Variants in FGD4 observed in about 807,000 individuals in gnomAD.
FGD4 encodes the protein FYVE, RhoGEF and PH domain containing 4.
A neutral mutation model predicts 102.0 loss-of-function variants in FGD4; 42 were observed. That is an observed-to-expected ratio of 0.41 (90% CI 0.32 to 0.53). FGD4 has a LOEUF of 0.53. Ranked by LOEUF, FGD4 falls within the 20% of genes least tolerant of loss-of-function variation. The pLI, the probability that FGD4 is intolerant of heterozygous loss-of-function variation, is 0.21. For missense variants in FGD4, 902 were observed against 1,078.2 expected (o/e 0.84, Z 2.29); for synonymous variants, 380 against 375.7 (o/e 1.01, Z -0.13).
intron 1 of FGD4, among the ~76,000 whole-genome samples, chr12:32,473,062 T>C (rs1259402077): frequency 1.3e-5 from 2 of 151,676 alleles, no homozygotes; most frequent in Non-Finnish European, 2.9e-5. Flanking sequence ...AGAACCTGTG[T>C]GTCCAAACTC....
intron 1 of FGD4, among the ~76,000 whole-genome samples, chr12:32,405,479 G>A (rs1445064733): frequency 4.0e-5 from 6 of 148,434 alleles, no homozygotes; most frequent in South Asian, 2.2e-4. Context: ...GGCTGGTCTC[G>A]AACTCCCGAC....
chr12:32,530,222 C>T (rs532551040), intron 1 of FGD4, among the ~76,000 whole-genome samples: 1 of 152,106 alleles, frequency 6.6e-6, no homozygotes, highest in East Asian at 1.9e-4. Context: ...GTGGCTCATG[C>T]CTGTAATCAC....
intron 15 of FGD4, among the ~76,000 whole-genome samples, chr12:32,635,094 T>A (rs1950726176): frequency 6.6e-6 from 1 of 152,184 alleles, no homozygotes; most frequent in Non-Finnish European, 1.5e-5. Context: ...GTCACTTCTG[T>A]TCATTGATAA....
chr12:32,579,657 G>A (rs1946435366), intron 3 of FGD4: 1 of 152,202 alleles, frequency 6.6e-6, no homozygotes, highest in East Asian at 1.9e-4. Context: ...AGGAGAAGGA[G>A]GACAGTTTGA....
Position 32,422,499 on chromosome 12 carries a change from C to T in FGD4, c.166+22540C>T, listed in dbSNP as rs540863561. Among the ~76,000 whole-genome samples the T allele has an allele frequency of 9.2e-5, 14 of 151,442 alleles. No individual in the cohort carries two copies. In the East Asian group the frequency reaches 2.8e-3, roughly 30 times the overall value. On this transcript the variant is annotated intron_variant, in intron 1 of 16. Transcript: ENST00000534526. ...ATTTTTAGTAGAGATGGGGTTTCAC[C>T]ATGTTAGCCAGGATGGTCTCGATCT...
intron 1 of FGD4, among the ~76,000 whole-genome samples, chr12:32,412,639 T>TG (rs1249921112): frequency 6.6e-6 from 1 of 152,158 alleles, no homozygotes; most frequent in African/African-American, 2.4e-5. Flanking sequence ...AGATGGAGTC[T>TG]CGCGCCATCG....
At position 32,645,382 on chromosome 12, in the gene FGD4, C is replaced by T. The variant is rs868249188; in HGVS notation, c.*4849C>T. 1.3e-5 allele frequency: 2 copies of T among 152,154 alleles called. No homozygotes were observed. The highest frequency in any genetic ancestry group is 2.9e-5 in the Non-Finnish European group (2 of 68,050). 9.4% of individuals were successfully genotyped at this position (152,154 alleles called of 1,614,324 possible). ...CATAGGCCGGGCATAGTGGCTCATG[C>T]CTGTAATCCCAGCCCTTGGGAGGCC... On this transcript the variant is annotated 3_prime_UTR_variant, in exon 17 of 17. Coordinates refer to ENST00000534526, the MANE Select transcript of FGD4 (RefSeq NM_001370298.3).
intron 12 of FGD4, 31 bp from the exon 13 acceptor site, chr12:32,624,945 A>C: frequency 6.4e-7 from 1 of 1,565,422 alleles, no homozygotes. Flanking sequence ...AGAAACTTTA[A>C]TGTGTGCTTT....
At chr12:32,534,398 A>AT in intron 1 of FGD4, 1 of 1,499,178 alleles carries the variant, frequency 6.7e-7, no homozygotes, top group Non-Finnish European at 8.8e-7. Flanking sequence ...CAGGAGTGAG[A>AT]TTTTATCACA....
At chr12:32,473,869 C>T (rs758091262) in intron 1 of FGD4, among the ~76,000 whole-genome samples, 1 of 152,020 alleles carries the variant, frequency 6.6e-6, no homozygotes, top group African/African-American at 2.4e-5. Flanking sequence ...GGGCAGATAA[C>T]GAGGTCAGGA....
At chr12:32,583,219 C>T (rs1946753149) in intron 4 of FGD4, among the ~76,000 whole-genome samples, 1 of 152,082 alleles carries the variant, frequency 6.6e-6, no homozygotes, top group Admixed American at 6.6e-5. Flanking sequence ...CACCTGTGGT[C>T]TCAGCTACTC....
At chr12:32,502,278 G>A (rs1938282106) in intron 1 of FGD4, 2 of 985,286 alleles carry the variant, frequency 2.0e-6, no homozygotes, top group Admixed American at 6.1e-5. Flanking sequence ...ACAAATGAAG[G>A]GAGTTTTACT....
At chr12:32,582,580 G>T in intron 4 of FGD4, 113 bp downstream of exon 4, 2 of 1,378,840 alleles carry the variant, frequency 1.5e-6, no homozygotes, top group Non-Finnish European at 2.0e-6. Flanking sequence ...ACCCACACTG[G>T]CAGTTAAACG....
intron 2 of FGD4, among the ~76,000 whole-genome samples, chr12:32,565,123 C>T (rs533697978): frequency 6.6e-6 from 1 of 152,280 alleles, no homozygotes; most frequent in African/African-American, 2.4e-5. Flanking sequence ...TTACTTAGTT[C>T]TCTTTCCTGT....
chr12:32,637,682 A>C (rs184983467), intron 15 of FGD4: 1 of 152,342 alleles, frequency 6.6e-6, no homozygotes, highest in Non-Finnish European at 1.5e-5. Flanking sequence ...CAGAAAACGT[A>C]CAATCATGGC....
In FGD4 at chr12:32,440,964, C is replaced by G. The variant is rs1012669408; in HGVS notation, c.166+41005C>G. On this transcript the variant is annotated intron_variant, in intron 1 of 16. Transcript: ENST00000534526. ...CACAAAGAGTACTGCCAGACTACTA[C>G]TGATGTTCCTTTAAGGCCCAAGGTC... 3.3e-5 allele frequency among the ~76,000 whole-genome samples: 5 copies of G among 152,220 alleles called. No homozygotes were observed. The South Asian group carries it at 1.0e-3, about 31-fold the overall frequency.
In FGD4 at chr12:32,598,490, T is replaced by C. The variant is rs1948086117; in HGVS notation, c.1012-7T>C. 6.2e-7 allele frequency: 1 copy of C among 1,604,386 alleles called. No individual in the cohort carries two copies. Among genetic ancestry groups the C allele is most frequent in the African/African-American group, 1.3e-5 (1 of 74,550 alleles). On this transcript the variant is annotated splice_region_variant and splice_polypyrimidine_tract_variant and intron_variant, in intron 4 of 16. Coordinates refer to ENST00000534526, the MANE Select transcript of FGD4 (RefSeq NM_001370298.3). Reference sequence around the variant, plus strand: ...TCCTAATGTGTGAATATCTTTCCAATTTTTAGGAGACTAATGAGCAAAAAC... The same window carrying C: ...TCCTAATGTGTGAATATCTTTCCAACTTTTAGGAGACTAATGAGCAAAAAC...
chr12:32,458,269 C>A (rs1286476621), intron 1 of FGD4, among the ~76,000 whole-genome samples: 2 of 151,994 alleles, frequency 1.3e-5, no homozygotes, highest in East Asian at 3.9e-4. Flanking sequence ...TCCCTGGGCT[C>A]AGGTGATCTT....
intron 15 of FGD4, among the ~76,000 whole-genome samples, chr12:32,634,128 T>A (rs1308470680): frequency 6.6e-6 from 1 of 152,222 alleles, no homozygotes; most frequent in East Asian, 1.9e-4. Flanking sequence ...GGGATTCTGC[T>A]TGGTTGCATA....
Sources: gnomAD v4.1 joint callset for allele counts (sites outside exome capture counted in the v4.1 genomes callset) on GRCh38, gnomAD v4.1.1 for gene constraint, MANE v1.5 for transcripts, NCBI Gene and HGNC (gene_info 2026-07-23, HGNC 2026-07-21) for gene names.